Variants in SCAP observed in about 807,000 individuals in gnomAD.
SCAP encodes sterol regulatory element-binding protein cleavage-activating protein.
A neutral mutation model predicts 123.6 loss-of-function variants in SCAP; 65 were observed. That is an observed-to-expected ratio of 0.53 (90% CI 0.43 to 0.65). The LOEUF is 0.65. Ranked by LOEUF, SCAP falls within the 30% of genes least tolerant of loss-of-function variation. The pLI is 0.00. For missense variants in SCAP, 1,398 were observed against 1,712.5 expected (o/e 0.82, Z 3.24); for synonymous variants, 740 against 726.3 (o/e 1.02, Z -0.30).
At chr3:47,415,868 C>A (rs186860557) in intron 18 of SCAP, among the ~76,000 whole-genome samples, 132 of 152,292 alleles carry the variant, frequency 8.7e-4, no homozygotes, top group African/African-American at 3.1e-3. Flanking sequence ...AGTGGGTGGA[C>A]AAGGAGAGAC....
In SCAP at chr3:47,418,753, A is replaced by G; in HGVS notation, c.2031T>C (p.Ser677=). ...LEGRHPQDGR[S]AWPPPGPIPA... is the part of the protein sequence containing the mutation. The stretch of plus-strand genomic sequence containing the variant: ...GTATGGGCCCCGGTGGGGGCCAGGC[A>G]CTGCGGCCGTCCTGAGGGTGCCGGC... Residue 677 remains serine (S), a synonymous_variant, in exon 14 of 23, where the codon AGT becomes AGC. Coordinates refer to ENST00000265565, the MANE Select transcript of SCAP (RefSeq NM_012235.4). The G allele has an allele frequency of 6.3e-7, 1 of 1,591,640 alleles. No individual in the cohort carries two copies. The highest frequency in any genetic ancestry group is 8.5e-7 in the Non-Finnish European group (1 of 1,171,554).
chr3:47,441,983 G>C (rs1448801106), intron 2 of SCAP, among the ~76,000 whole-genome samples: 2 of 145,474 alleles, frequency 1.4e-5, no homozygotes, highest in South Asian at 2.2e-4. Flanking sequence ...TGGAATTACA[G>C]GTATGAGCAC....
chr3:47,447,404 A>G (rs1707083987), intron 1 of SCAP, among the ~76,000 whole-genome samples: 1 of 151,378 alleles, frequency 6.6e-6, no homozygotes, highest in Admixed American at 6.6e-5. Flanking sequence ...AAAAAGGAGA[A>G]AAAGGCCAGG....
rs199795130 is a variant in SCAP at position 47,417,808 on chromosome 3, A to G, written c.2466T>C (p.Ser822=). ...GAGCCTCAAGCCCGCTGCCCACGCCACTGTCCCGGCGCTGCCTGCTGGGGG... is the reference window on the plus strand; with the variant it reads ...GAGCCTCAAGCCCGCTGCCCACGCCGCTGTCCCGGCGCTGCCTGCTGGGGG... ...IPRPGRQRRD[S]GVGSGLEAQE... Residue 822 remains serine (S), a synonymous_variant, in exon 17 of 23, where the codon AGT becomes AGC. Transcript: ENST00000265565. 1 of 1,397,324 alleles carries G rather than the reference A, an allele frequency of 7.2e-7. No homozygotes were observed. The highest frequency in any genetic ancestry group is 9.5e-7 in the Non-Finnish European group (1 of 1,054,642). 86.6% of individuals were successfully genotyped at this position (1,397,324 alleles called of 1,614,324 possible).
chr3:47,466,057 C>A (rs1337221634), intron 1 of SCAP, among the ~76,000 whole-genome samples: 1 of 148,958 alleles, frequency 6.7e-6, no homozygotes, highest in African/African-American at 2.5e-5. Flanking sequence ...CGCTTGAACC[C>A]AGGAGGTGGA....
Position 47,420,671 on chromosome 3 carries a change from C to T in SCAP, c.1446G>A (p.Pro482=), listed in dbSNP as rs761309541. 1.4e-5 allele frequency: 23 copies of T among 1,611,720 alleles called. No homozygotes were observed. In the East Asian group the frequency reaches 2.9e-4, roughly 20 times the overall value. The change falls in exon 12 of 23, where the codon CCG becomes CCA. Residue 482 remains proline, a synonymous_variant. Transcript: ENST00000265565. The surrounding 1 kb of genome is among the most constrained non-coding windows in gnomAD (Gnocchi z 5.0). Reference sequence around the variant, plus strand: ...GCAACGTGATGGTGTGGGGTGTGGACGGCCTCACAGCCAGCTGCCGCTCGT... The same window carrying T: ...GCAACGTGATGGTGTGGGGTGTGGATGGCCTCACAGCCAGCTGCCGCTCGT... ...TRYERQLAVR[P]STPHTITLQP...
intron 1 of SCAP, among the ~76,000 whole-genome samples, chr3:47,472,356 C>G (rs1708057523): frequency 6.6e-6 from 1 of 150,734 alleles, no homozygotes; most frequent in African/African-American, 2.4e-5. Context: ...ATGGCGTAAA[C>G]CCGGGAAGCG....
In SCAP at chr3:47,418,114, G is replaced by T. The variant is rs1705713101; in HGVS notation, c.2447+20C>A. On this transcript the variant is annotated intron_variant, in intron 16 of 22. Coordinates refer to ENST00000265565, the MANE Select transcript of SCAP (RefSeq NM_012235.4). Reference sequence around the variant, plus strand: ...GGGGGGTTGTGGGGGCACAAAGGAGGAAAGGGCAGCCGCACCTACCCTGGG... The same window carrying T: ...GGGGGGTTGTGGGGGCACAAAGGAGTAAAGGGCAGCCGCACCTACCCTGGG... 1 of 1,537,412 alleles carries T rather than the reference G, an allele frequency of 6.5e-7. No individual in the cohort carries two copies. Among genetic ancestry groups the T allele is most frequent in the Non-Finnish European group, 8.8e-7 (1 of 1,137,406 alleles).
Position 47,414,248 on chromosome 3 carries a change from T to C in SCAP, c.3526A>G (p.Ser1176Gly), listed in dbSNP as rs754532647. 6.2e-7 allele frequency: 1 copy of C among 1,613,684 alleles called. No individual in the cohort carries two copies. The highest frequency in any genetic ancestry group is 1.7e-5 in the Admixed American group (1 of 60,028). Residue 1176 changes from serine to glycine, a missense_variant, in exon 22 of 23, where the codon AGT becomes GGT. Physicochemically the swap from Ser to Gly is moderately conservative, Grantham distance 56. This residue lies in a region of SCAP where 130 missense variants were observed against 166.7 expected (regional missense o/e 0.78). Transcript: ENST00000265565. ...LTCTTSCVISSGLDDLISIWD... is the reference protein window; with the variant it reads ...LTCTTSCVISGGLDDLISIWD... Reference sequence around the variant, plus strand: ...ATGCTGATGAGGTCATCCAGGCCACTGCTGATGACACAGGAGGTGGTACAG... The same window carrying C: ...ATGCTGATGAGGTCATCCAGGCCACCGCTGATGACACAGGAGGTGGTACAG...
At chr3:47,461,761 C>T (rs368066222) in intron 1 of SCAP, among the ~76,000 whole-genome samples, 1 of 152,138 alleles carries the variant, frequency 6.6e-6, no homozygotes, top group Non-Finnish European at 1.5e-5. Flanking sequence ...AGGCCGGGCA[C>T]GGTGGCTCAC....
chr3:47,417,040 G>A lies in SCAP; in HGVS notation c.3056+82C>T, dbSNP rs965021109. 3.2e-6 allele frequency: 4 copies of A among 1,256,632 alleles called. No individual in the cohort carries two copies. In the Admixed American group the frequency reaches 5.6e-5, roughly 18 times the overall value. The allele number at this position is 1,256,632 out of a possible 1,614,324, so 77.8% of individuals were successfully genotyped here. ...AATCATACAGTACAGCAGTTGAAGA[G>A]AACCAGAACTCAAGACTCAAGAGAG... is the stretch of plus-strand genomic sequence containing the variant. On this transcript the variant is annotated intron_variant, in intron 18 of 22. Transcript: ENST00000265565.
Position 47,428,598 on chromosome 3 carries a change from G to A in SCAP, c.325C>T (p.Leu109Phe). 3 of 1,614,168 alleles carry A rather than the reference G, an allele frequency of 1.9e-6. No homozygotes were observed. The highest frequency in any genetic ancestry group is 2.5e-6 in the Non-Finnish European group (3 of 1,180,038). ...KSSVFPWHKN[L>F]LAVDVFRSPL... ...GAACGAAATACATCTACTGCCAGGA[G>A]GTTCTTGTGCCAGGGAAACACTGAG... Residue 109 changes from leucine (L) to phenylalanine (F), a missense_variant, in exon 4 of 23, where the codon CTC becomes TTC. By Grantham distance (22) the Leu-to-Phe change is conservative. This residue lies in a region of SCAP where 319 missense variants were observed against 432.4 expected (regional missense o/e 0.74). Transcript: ENST00000265565.
At chr3:47,464,372 T>G (rs779461666) in intron 1 of SCAP, among the ~76,000 whole-genome samples, 58 of 151,954 alleles carry the variant, frequency 3.8e-4, no homozygotes, top group African/African-American at 1.3e-3. Context: ...TGGGACTGAT[T>G]TGTGTTTTTT....
chr3:47,431,218 A>G (rs988715917), intron 3 of SCAP, among the ~76,000 whole-genome samples: 2 of 151,858 alleles, frequency 1.3e-5, no homozygotes, highest in African/African-American at 2.4e-5. Context: ...GGTAAGGAAG[A>G]TGTGGGCAGG....
Position 47,426,286 on chromosome 3 carries a change from A to T in SCAP, c.738-117T>A, listed in dbSNP as rs964875274. 1.7e-5 allele frequency: 18 copies of T among 1,038,104 alleles called. No homozygotes were observed. In the African/African-American group the frequency reaches 2.3e-4, roughly 13 times the overall value. The allele number at this position is 1,038,104 out of a possible 1,614,324, so 64.3% of individuals were successfully genotyped here. A position where few individuals can be genotyped will look rare whatever the true frequency, so the allele number is the denominator to read the frequency against. On this transcript the variant is annotated intron_variant, in intron 6 of 22. Coordinates refer to ENST00000265565, the MANE Select transcript of SCAP (RefSeq NM_012235.4). ...CCCTCCTGCCCCTGTGTTGAAAGGG[A>T]ACTTCTCTATGGTGCCTGAGCTTCT... is the stretch of plus-strand genomic sequence containing the variant.
Position 47,415,152 on chromosome 3 carries a change from G to T in SCAP, c.3085C>A (p.Leu1029Ile). The change falls in exon 19 of 23, where the codon CTT becomes ATT. Residue 1029 changes from leucine to isoleucine, a missense_variant. Transcript: ENST00000265565. ...RIVAARLNGS[L>I]DFFSLETHTA... ...TGGGTCTCCAAGGAGAAGAAATCAA[G>T]GGAACCGTTGAGCCGTGCAGCCACA... 6.2e-7 allele frequency: 1 copy of T among 1,612,414 alleles called. No homozygotes were observed. Among genetic ancestry groups the T allele is most frequent in the Non-Finnish European group, 8.5e-7 (1 of 1,179,618 alleles).
At chr3:47,432,345 GA>G (rs1164512061) in intron 3 of SCAP, among the ~76,000 whole-genome samples, 82 of 137,652 alleles carry the variant, frequency 6.0e-4, no homozygotes, top group Middle Eastern at 3.6e-3. Flanking sequence ...AAAGAAAAAG[GA>G]AAAAAAAAAA....
At chr3:47,476,318 G>A (rs1393091309), upstream of SCAP, among the ~76,000 whole-genome samples, 1 of 152,092 alleles carries the variant, frequency 6.6e-6, no homozygotes, top group African/African-American at 2.4e-5. Context: ...TTAATTAGCC[G>A]GCTGTGGTGG....
At position 47,424,027 on chromosome 3, in the gene SCAP, A is replaced by C; in HGVS notation, c.1056T>G (p.Leu352=). The C allele has an allele frequency of 6.2e-7, 1 of 1,613,348 alleles. No individual in the cohort carries two copies. The highest frequency in any genetic ancestry group is 8.5e-7 in the Non-Finnish European group (1 of 1,179,390). Residue 352 remains leucine (L), a synonymous_variant, in exon 9 of 23, where the codon CTT becomes CTG. Coordinates refer to ENST00000265565, the MANE Select transcript of SCAP (RefSeq NM_012235.4). ...CATTCTCTAACCCAATAACCACCACAAGGTAGGGGAAAATCTCGCTGGGGA... is the reference window on the plus strand; with the variant it reads ...CATTCTCTAACCCAATAACCACCACCAGGTAGGGGAAAATCTCGCTGGGGA... ...TLNGGEIFPY[L]VVVIGLENVL... is the part of the protein sequence containing the mutation.
Sources: allele counts gnomAD v4.1 joint callset (sites outside exome capture counted in the v4.1 genomes callset), GRCh38; gene constraint gnomAD v4.1.1; regional missense constraint gnomAD v4.1.1; non-coding constraint Gnocchi (gnomAD v3.1); transcripts MANE v1.5; gene names NCBI Gene and HGNC (gene_info 2026-07-23, HGNC 2026-07-21).